Variants in LCOR observed in about 807,000 individuals in gnomAD.
LCOR encodes ligand-dependent corepressor.
A neutral mutation model predicts 64.4 loss-of-function variants in LCOR; 14 were observed. The ratio of observed to expected loss-of-function variants is 0.22; its 90% confidence interval spans 0.14 to 0.34. The LOEUF (loss-of-function observed/expected upper bound fraction) is 0.34. Ranked by LOEUF, LCOR falls within the 10% of genes least tolerant of loss-of-function variation. The pLI is 1.00. For synonymous variants in LCOR, 643 were observed against 642.5 expected (o/e 1.00, Z -0.01); for missense variants, 1,686 against 1,765.3 (o/e 0.96, Z 0.80).
At chr10:96,846,235 G>T (rs534397008) in intron 2 of LCOR, among the ~76,000 whole-genome samples, 6 of 151,964 alleles carry the variant, frequency 3.9e-5, no homozygotes, top group Non-Finnish European at 7.4e-5. Flanking sequence ...GAATTTTGTT[G>T]TACTGGCTTT....
At chr10:96,834,317 A>G (rs1270326427) in intron 2 of LCOR, among the ~76,000 whole-genome samples, 1 of 152,164 alleles carries the variant, frequency 6.6e-6, no homozygotes, top group African/African-American at 2.4e-5. Context: ...TTTTTGGTAT[A>G]ATTCGTCTCA....
chr10:96,933,448 G>C (rs1409284313), intron 4 of LCOR, among the ~76,000 whole-genome samples: 1 of 152,162 alleles, frequency 6.6e-6, no homozygotes, highest in Non-Finnish European at 1.5e-5. Context: ...AGGAATAAAA[G>C]ACAAAAGAAC....
intron 7 of LCOR, chr10:96,961,504 T>C (rs1433957977): frequency 6.6e-6 from 1 of 152,120 alleles, no homozygotes; most frequent in African/African-American, 2.4e-5. Context: ...GTAAGACATA[T>C]TTGAAGATCC....
chr10:96,897,353 T>A (rs923918575), intron 2 of LCOR, among the ~76,000 whole-genome samples: 5 of 152,154 alleles, frequency 3.3e-5, no homozygotes, highest in Non-Finnish European at 7.3e-5. Context: ...ATGACAGAGG[T>A]CTTCAAACGG....
chr10:96,839,122 G>A (rs1845495464), intron 2 of LCOR, among the ~76,000 whole-genome samples: 1 of 152,214 alleles, frequency 6.6e-6, no homozygotes, highest in Admixed American at 6.5e-5. Flanking sequence ...CTAACAGTGT[G>A]TTAAGCATCT....
intron 2 of LCOR, among the ~76,000 whole-genome samples, chr10:96,881,666 A>G (rs1393763970): frequency 1.3e-5 from 2 of 152,170 alleles, no homozygotes; most frequent in Admixed American, 6.5e-5. Context: ...CATGTTGGCC[A>G]GGCTGGTCTT....
intron 7 of LCOR, among the ~76,000 whole-genome samples, chr10:96,969,774 C>CTTTTTTTTTTTTTTTTT (rs58881683): frequency 1.8e-4 from 22 of 124,112 alleles, no homozygotes; most frequent in African/African-American, 2.2e-4. Context: ...TTTTTTTTTT[C>CTTTTTTTTTTTTTTTTT]TTTTTTTTTT....
intron 4 of LCOR, among the ~76,000 whole-genome samples, chr10:96,920,468 G>GTGTATATATATGTATATTCATATATA (rs1564626049): frequency 8.2e-6 from 1 of 122,186 alleles, no homozygotes; most frequent in African/African-American, 3.3e-5. Flanking sequence ...ATTCATATAT[G>GTGTATATATATGTATATTCATATATA]TGTATATATA....
At chr10:96,926,175 C>T (rs944838373) in intron 4 of LCOR, among the ~76,000 whole-genome samples, 1 of 151,924 alleles carries the variant, frequency 6.6e-6, no homozygotes, top group African/African-American at 2.4e-5. Flanking sequence ...CCTTTTTTGC[C>T]CATCTGCATA....
rs1382366053 is a variant in LCOR, at chr10:96,992,796, T to A, written c.*7662T>A. 1 of 152,370 alleles carries A rather than the reference T, an allele frequency of 6.6e-6. No homozygotes were observed. The highest frequency in any genetic ancestry group is 1.9e-4 in the East Asian group (1 of 5,192). 9.4% of individuals were successfully genotyped at this position (152,370 alleles called of 1,614,324 possible). A position where few individuals can be genotyped will look rare whatever the true frequency, so the allele number is the denominator to read the frequency against. On this transcript the variant is annotated 3_prime_UTR_variant, in exon 8 of 8. Transcript: ENST00000421806. ...ACCACTGGTTGCCTAGAGAAAGCAT[T>A]AAGGTGTATTTCCAGTTCCCCTTTC...
intron 2 of LCOR, among the ~76,000 whole-genome samples, chr10:96,898,661 A>G (rs1381097751): frequency 6.6e-6 from 1 of 152,156 alleles, no homozygotes; most frequent in Non-Finnish European, 1.5e-5. Flanking sequence ...TTAAATCTAG[A>G]TATTGGCCTT....
rs964860358 is a variant in LCOR at position 96,992,563 on chromosome 10, G to T, written c.*7429G>T. ...CCCATCATGGGTATGGCTGTGCCAG[G>T]CATGGCATCGGGTGTGCCCCATGCA... On this transcript the variant is annotated 3_prime_UTR_variant, in exon 8 of 8. Transcript: ENST00000421806. 1 of 152,254 alleles carries T rather than the reference G, an allele frequency of 6.6e-6. No individual in the cohort carries two copies. Among genetic ancestry groups the T allele is most frequent in the Non-Finnish European group, 1.5e-5 (1 of 68,060 alleles). The allele number at this position is 152,254 out of a possible 1,614,324, so 9.4% of individuals were successfully genotyped here.
chr10:96,852,677 A>G (rs1388698925), intron 2 of LCOR, among the ~76,000 whole-genome samples: 1 of 152,242 alleles, frequency 6.6e-6, no homozygotes, highest in Non-Finnish European at 1.5e-5. Context: ...CCATGGAGAT[A>G]GAGCTCCATG....
chr10:96,933,324 G>A (rs888060686), intron 4 of LCOR, among the ~76,000 whole-genome samples: 3 of 152,104 alleles, frequency 2.0e-5, no homozygotes, highest in African/African-American at 7.2e-5. Flanking sequence ...ATTTATAAAA[G>A]CATAAACCTT....
intron 2 of LCOR, among the ~76,000 whole-genome samples, chr10:96,880,595 G>T (rs1194576295): frequency 6.6e-6 from 1 of 152,094 alleles, no homozygotes; most frequent in African/African-American, 2.4e-5. Context: ...ATGGGGTTTT[G>T]CCCTGTTGGC....
chr10:96,987,090 T>C lies in LCOR; in HGVS notation c.*1956T>C, dbSNP rs753932471. The C allele has an allele frequency of 2.0e-5, 3 of 152,246 alleles. No individual in the cohort carries two copies. The highest frequency in any genetic ancestry group is 2.9e-5 in the Non-Finnish European group (2 of 68,052). 9.4% of individuals were successfully genotyped at this position (152,246 alleles called of 1,614,324 possible). A position where few individuals can be genotyped will look rare whatever the true frequency, so the allele number is the denominator to read the frequency against. ...TGAGTCTTTTTCTTTTTAGTATCTT[T>C]GACTTTGGCCATTCAAGAGCTACCT... On this transcript the variant is annotated 3_prime_UTR_variant, in exon 8 of 8. Coordinates refer to ENST00000421806, the MANE Select transcript of LCOR (RefSeq NM_001346516.2).
At chr10:96,938,476 A>G (rs2134501507) in intron 4 of LCOR, among the ~76,000 whole-genome samples, 1 of 152,248 alleles carries the variant, frequency 6.6e-6, no homozygotes, top group African/African-American at 2.4e-5. Context: ...GATCAGAAAC[A>G]AGGCAGGATG....
At chr10:96,870,266 C>T (rs2134404651) in intron 2 of LCOR, among the ~76,000 whole-genome samples, 1 of 152,284 alleles carries the variant, frequency 6.6e-6, no homozygotes, top group South Asian at 2.1e-4. Context: ...CTGCCTCGGC[C>T]TCCCAAAGTG....
chr10:96,865,260 G>C (rs938668236), intron 2 of LCOR, among the ~76,000 whole-genome samples: 5 of 150,816 alleles, frequency 3.3e-5, no homozygotes, highest in Non-Finnish European at 5.9e-5. Context: ...ACTGTGGACT[G>C]TTAGGCTGTT....
Sources: gnomAD v4.1 joint callset for allele counts (sites outside exome capture counted in the v4.1 genomes callset) on GRCh38, gnomAD v4.1.1 for gene constraint, MANE v1.5 for transcripts, NCBI Gene and HGNC (gene_info 2026-07-23, HGNC 2026-07-21) for gene names.